The following AKAP6 variants were observed in gnomAD, a reference collection of about 807,000 sequenced individuals.
AKAP6 encodes A-kinase anchoring protein 6.
A neutral mutation model predicts 188.5 loss-of-function variants in AKAP6; 58 were observed. That is an observed-to-expected ratio of 0.31 (90% CI 0.25 to 0.38). AKAP6 has a LOEUF of 0.38. Among genes scored for constraint, AKAP6 ranks in the 10% least tolerant of loss-of-function variants. The pLI, the probability that AKAP6 is intolerant of heterozygous loss-of-function variation, is 1.00. For missense variants in AKAP6, 2,710 were observed against 2,740.0 expected (o/e 0.99, Z 0.24); for synonymous variants, 989 against 998.6 (o/e 0.99, Z 0.18).
At chr14:32,771,417 A>G (rs1029168748) in intron 11 of AKAP6, among the ~76,000 whole-genome samples, 3 of 151,452 alleles carry the variant, frequency 2.0e-5, no homozygotes, top group Non-Finnish European at 4.4e-5. Flanking sequence ...TTGCCTTCTT[A>G]GTTTTTAAAC....
chr14:32,427,711 A>C (rs1750773475), intron 1 of AKAP6, among the ~76,000 whole-genome samples: 1 of 152,216 alleles, frequency 6.6e-6, no homozygotes, highest in African/African-American at 2.4e-5. Flanking sequence ...ACCTTAGACA[A>C]AAATTGAAAC....
chr14:32,804,955 A>T (rs2034051606), intron 12 of AKAP6, among the ~76,000 whole-genome samples: 3 of 152,162 alleles, frequency 2.0e-5, no homozygotes, highest in African/African-American at 4.8e-5. Context: ...GTCAGACCTT[A>T]TGGTTGTCTT....
intron 1 of AKAP6, among the ~76,000 whole-genome samples, chr14:32,352,095 G>GTT (rs1434389166): frequency 0.061 from 6,994 of 114,342 alleles, 175 homozygotes; most frequent in Non-Finnish European, 0.08. Flanking sequence ...GTGTGTGTGT[G>GTT]TGTGTGTTTG....
At chr14:32,731,400 T>C (rs1272133805) in intron 9 of AKAP6, among the ~76,000 whole-genome samples, 1 of 152,128 alleles carries the variant, frequency 6.6e-6, no homozygotes, top group Non-Finnish European at 1.5e-5. Context: ...AACTTATTGA[T>C]TTATTTATTT....
intron 1 of AKAP6, among the ~76,000 whole-genome samples, chr14:32,383,001 TA>T (rs1455427974): frequency 6.6e-6 from 1 of 151,974 alleles, no homozygotes; most frequent in African/African-American, 2.4e-5. Context: ...ACCCCTGGTT[TA>T]AAAAAATTAC....
chr14:32,580,093 G>T (rs958189466), intron 5 of AKAP6, among the ~76,000 whole-genome samples: 1 of 152,020 alleles, frequency 6.6e-6, no homozygotes, highest in Non-Finnish European at 1.5e-5. Flanking sequence ...TTCATACTTT[G>T]ATACTTAATT....
chr14:32,749,699 C>T (rs139867744), intron 11 of AKAP6, among the ~76,000 whole-genome samples: 61 of 152,260 alleles, frequency 4.0e-4, no homozygotes, highest in African/African-American at 1.4e-3. Context: ...ACTGCTAGTG[C>T]GGTGATGGCA....
chr14:32,582,065 A>C (rs1412963460), intron 5 of AKAP6, among the ~76,000 whole-genome samples: 4 of 151,838 alleles, frequency 2.6e-5, no homozygotes, highest in Admixed American at 2.6e-4. Flanking sequence ...TTTGCTCGTT[A>C]GTTGATGCAG....
At chr14:32,649,938 G>A (rs1165953453) in intron 7 of AKAP6, among the ~76,000 whole-genome samples, 1 of 152,122 alleles carries the variant, frequency 6.6e-6, no homozygotes, top group Admixed American at 6.5e-5. Context: ...GATTTCTCTA[G>A]GCAGCACACA....
intron 1 of AKAP6, among the ~76,000 whole-genome samples, chr14:32,430,147 C>T (rs1488865792): frequency 6.6e-6 from 1 of 152,168 alleles, no homozygotes; most frequent in African/African-American, 2.4e-5. Flanking sequence ...AATGGAGAAC[C>T]ATCATTTAGT....
intron 12 of AKAP6, among the ~76,000 whole-genome samples, chr14:32,820,161 A>G (rs113093328): frequency 0.013 from 1,967 of 151,998 alleles, 40 homozygotes; most frequent in African/African-American, 0.044. Flanking sequence ...TCAGCCCTTC[A>G]ACCAGTCTGC....
intron 1 of AKAP6, among the ~76,000 whole-genome samples, chr14:32,412,481 A>G (rs1176211888): frequency 6.6e-6 from 1 of 152,228 alleles, no homozygotes; most frequent in African/African-American, 2.4e-5. Context: ...TATTGACACA[A>G]TACTTACTAC....
chr14:32,505,500 A>G (rs1366066946), intron 2 of AKAP6, among the ~76,000 whole-genome samples: 2 of 152,164 alleles, frequency 1.3e-5, no homozygotes, highest in Non-Finnish European at 2.9e-5. Context: ...AACCAAATCC[A>G]TGATGAACAA....
intron 9 of AKAP6, among the ~76,000 whole-genome samples, chr14:32,716,597 A>G (rs980550025): frequency 1.3e-5 from 2 of 148,368 alleles, no homozygotes; most frequent in African/African-American, 4.9e-5. Context: ...TAGAAAATAC[A>G]TAATATATAT....
intron 7 of AKAP6, among the ~76,000 whole-genome samples, chr14:32,623,680 A>T (rs558850726): frequency 1.3e-5 from 2 of 152,188 alleles, no homozygotes; most frequent in Non-Finnish European, 2.9e-5. Flanking sequence ...CATAATTTGC[A>T]GTTAGAGAAG....
At chr14:32,790,097 T>C (rs11628463) in intron 12 of AKAP6, among the ~76,000 whole-genome samples, 34,346 of 152,046 alleles carry the variant, frequency 0.23, 4,668 homozygotes, top group Non-Finnish European at 0.3. Context: ...AATAGCAGAA[T>C]AGACCAAGTG....
chr14:32,440,862 G>A (rs767069124), intron 2 of AKAP6, among the ~76,000 whole-genome samples: 2 of 151,974 alleles, frequency 1.3e-5, no homozygotes, highest in African/African-American at 2.4e-5. Flanking sequence ...TTTTTTTGGT[G>A]GATGGGTGCT....
intron 8 of AKAP6, among the ~76,000 whole-genome samples, chr14:32,684,817 A>C (rs1488132950): frequency 6.6e-6 from 1 of 152,218 alleles, no homozygotes; most frequent in Non-Finnish European, 1.5e-5. Context: ...AATAATATGA[A>C]AAATCATTAA....
chr14:32,703,530 A>G (rs1890696909), intron 9 of AKAP6, among the ~76,000 whole-genome samples: 2 of 152,216 alleles, frequency 1.3e-5, no homozygotes, highest in Admixed American at 6.5e-5. Flanking sequence ...TAATAATGCC[A>G]AGTGTTCTGC....
Sources: gnomAD v4.1 joint callset for allele counts (sites outside exome capture counted in the v4.1 genomes callset) on GRCh38, gnomAD v4.1.1 for gene constraint, MANE v1.5 for transcripts, NCBI Gene and HGNC (gene_info 2026-07-23, HGNC 2026-07-21) for gene names.